Variants in CYB5R4 observed in about 807,000 individuals in gnomAD.
The protein encoded by CYB5R4 is cytochrome b5 reductase 4.
In CYB5R4, 55 loss-of-function variants were observed where a neutral mutation model predicts 70.2. The ratio of observed to expected loss-of-function variants is 0.78; its 90% CI spans 0.63 to 0.98. The LOEUF is 0.98. Among genes scored for constraint, CYB5R4 ranks in the 50% least tolerant of loss-of-function variants. The pLI, the probability that CYB5R4 is intolerant of heterozygous loss-of-function variation, is 0.00. For missense variants in CYB5R4, 562 were observed against 612.6 expected (o/e 0.92, Z 0.87); for synonymous variants, 197 against 199.5 (o/e 0.99, Z 0.11).
In CYB5R4 at chr6:83,921,041, A is replaced by T. The variant is rs766425631; in HGVS notation, c.565-41A>T. 10 of 1,387,070 alleles carry T rather than the reference A, an allele frequency of 7.2e-6. No individual in the cohort carries two copies. In the Admixed American group the frequency reaches 1.4e-4, roughly 19 times the overall value. 85.9% of individuals were successfully genotyped at this position (1,387,070 alleles called of 1,614,324 possible). On this transcript the variant is annotated intron_variant, in intron 7 of 15. Coordinates refer to ENST00000369681, the MANE Select transcript of CYB5R4 (RefSeq NM_016230.4). The stretch of plus-strand genomic sequence containing the variant: ...TATAGTTGTAGAAGTTTGGGGGAAA[A>T]TTTTACTTTCTAATCTTTCTATTTT...
At chr6:83,923,539 C>A (rs2099466768) in intron 9 of CYB5R4, among the ~76,000 whole-genome samples, 2 of 152,206 alleles carry the variant, frequency 1.3e-5, no homozygotes. Flanking sequence ...ATTAAATATG[C>A]TTTAAATCTT....
chr6:83,868,723 G>A (rs984831049), intron 2 of CYB5R4, among the ~76,000 whole-genome samples: 1 of 152,184 alleles, frequency 6.6e-6, no homozygotes, highest in African/African-American at 2.4e-5. Flanking sequence ...TATGTAAAGT[G>A]TTGAGCAAGT....
chr6:83,907,447 C>T (rs2099463972), intron 3 of CYB5R4, among the ~76,000 whole-genome samples: 1 of 151,166 alleles, frequency 6.6e-6, no homozygotes, highest in Non-Finnish European at 1.5e-5. Flanking sequence ...ACTAGCAGTT[C>T]TTATAAATGG....
intron 5 of CYB5R4, among the ~76,000 whole-genome samples, chr6:83,916,875 A>G (rs1484357314): frequency 6.6e-6 from 1 of 152,168 alleles, no homozygotes; most frequent in Non-Finnish European, 1.5e-5. Context: ...TTTGATTTCT[A>G]ATTTGGGCAC....
intron 3 of CYB5R4, among the ~76,000 whole-genome samples, chr6:83,894,253 C>T (rs1482814788): frequency 3.3e-5 from 5 of 152,188 alleles, no homozygotes. Flanking sequence ...ATGTTGATTA[C>T]TCTCAGTAAT....
chr6:83,893,617 G>C lies in CYB5R4; in HGVS notation c.325G>C (p.Asp109His). The C allele has an allele frequency of 1.3e-6, 2 of 1,596,914 alleles. No homozygotes were observed. The highest frequency in any genetic ancestry group is 1.7e-6 in the Non-Finnish European group (2 of 1,165,202). ...AAGSDGTELF[D>H]QVHRWVNYES... The stretch of plus-strand genomic sequence containing the variant: ...AGGATCAGATGGTACTGAACTTTTT[G>C]ATCAGGTAAGATGTGCTGAAAGTAA... Residue 109 changes from aspartate to histidine, a missense_variant, in exon 3 of 16, where the codon GAT (aspartate) becomes CAT (histidine). Coordinates refer to ENST00000369681, the MANE Select transcript of CYB5R4 (RefSeq NM_016230.4).
chr6:83,870,051 A>G (rs999553843), intron 2 of CYB5R4, among the ~76,000 whole-genome samples: 5 of 152,214 alleles, frequency 3.3e-5, no homozygotes, highest in African/African-American at 1.2e-4. Context: ...TTCAATGTTC[A>G]TGAATCAACA....
At chr6:83,909,176 C>CCAT (rs2099464288) in intron 4 of CYB5R4, 86 bp downstream of exon 4, 1 of 1,061,916 alleles carries the variant, frequency 9.4e-7, no homozygotes, top group Admixed American at 2.1e-5. Flanking sequence ...TAGGTCTATA[C>CCAT]AAATCACTAT....
chr6:83,934,683 TC>T lies in CYB5R4; in HGVS notation c.904del (p.His302IlefsTer21). ...TCTGTTTGATGCTGCCACCAAGCAC[TC>T]ATCTTCAAGTGCCCATTGGGCAACA... Reference protein sequence around the residue: ...LFCLMLPPSTHLQVPIGQHVY... With the variant: ...LFCLMLPPSTXLQVPIGQHVY... On this transcript the variant is annotated frameshift_variant, in exon 11 of 16. Transcript: ENST00000369681. LOFTEE classifies it high-confidence loss of function. 1.2e-6 allele frequency: 2 copies of T among 1,613,832 alleles called. No homozygotes were observed. Among genetic ancestry groups the T allele is most frequent in the Non-Finnish European group, 1.7e-6 (2 of 1,179,798 alleles).
At chr6:83,921,275 GT>G in intron 8 of CYB5R4, 100 bp downstream of exon 8, 1 of 1,072,608 alleles carries the variant, frequency 9.3e-7, no homozygotes, top group African/African-American at 1.7e-5. Context: ...TTTATCTGCT[GT>G]TACCATTTTG....
At chr6:83,861,034 A>G (rs1317470315) in intron 1 of CYB5R4, among the ~76,000 whole-genome samples, 1 of 152,210 alleles carries the variant, frequency 6.6e-6, no homozygotes, top group Non-Finnish European at 1.5e-5. Context: ...CCAATCATGT[A>G]TATTTTTCTC....
intron 2 of CYB5R4, among the ~76,000 whole-genome samples, chr6:83,883,331 T>C (rs1347772206): frequency 1.3e-5 from 2 of 152,202 alleles, no homozygotes; most frequent in African/African-American, 4.8e-5. Context: ...ATAGTGGCCA[T>C]ATATTTTACA....
At chr6:83,944,526 A>G (rs958761869) in intron 14 of CYB5R4, among the ~76,000 whole-genome samples, 1 of 152,198 alleles carries the variant, frequency 6.6e-6, no homozygotes, top group Non-Finnish European at 1.5e-5. Context: ...AAATGCATCA[A>G]CTAATAGGCA....
chr6:83,934,834 A>G (rs2099468668), intron 11 of CYB5R4, 99 bp downstream of exon 11: 1 of 1,128,976 alleles, frequency 8.9e-7, no homozygotes, highest in Admixed American at 2.8e-5. Flanking sequence ...AGTTATTAAT[A>G]AATGTTTCCA....
chr6:83,897,519 A>G (rs978637626), intron 3 of CYB5R4, among the ~76,000 whole-genome samples: 7 of 152,188 alleles, frequency 4.6e-5, no homozygotes, highest in African/African-American at 1.7e-4. Context: ...CACTAACAGT[A>G]AAAGTGTTCC....
At chr6:83,924,650 A>G (rs546870433) in intron 10 of CYB5R4, 58 bp downstream of exon 10, 2 of 1,575,082 alleles carry the variant, frequency 1.3e-6, no homozygotes, top group African/African-American at 2.7e-5. Context: ...TGTTAGTTGT[A>G]CAGTTGTACC....
chr6:83,918,053 C>G lies in CYB5R4; in HGVS notation c.494C>G (p.Pro165Arg). ...QVTDTLAKEG[P>R]SYPSYDWFQT... ...ACAGATACACTTGCCAAAGAAGGTC[C>G]TAGTTATCCAAGGTATGCATTCTTA... The change falls in exon 6 of 16, where the codon CCT (proline) becomes CGT (arginine). Residue 165 changes from proline to arginine, a missense_variant. Coordinates refer to ENST00000369681, the MANE Select transcript of CYB5R4 (RefSeq NM_016230.4). 1 of 1,610,580 alleles carries G rather than the reference C, an allele frequency of 6.2e-7. No individual in the cohort carries two copies. Among genetic ancestry groups the G allele is most frequent in the Non-Finnish European group, 8.5e-7 (1 of 1,177,382 alleles).
chr6:83,902,276 T>G (rs1289012864), intron 3 of CYB5R4, among the ~76,000 whole-genome samples: 1 of 152,140 alleles, frequency 6.6e-6, no homozygotes, highest in East Asian at 1.9e-4. Context: ...TTGAAGAAGG[T>G]GTCCTTTCCT....
intron 14 of CYB5R4, among the ~76,000 whole-genome samples, chr6:83,946,459 A>G (rs964247131): frequency 3.9e-5 from 6 of 152,220 alleles, no homozygotes; most frequent in African/African-American, 1.4e-4. Flanking sequence ...CCCACATCTG[A>G]TATCATGCTG....
Sources: allele counts gnomAD v4.1 joint callset (sites outside exome capture counted in the v4.1 genomes callset), GRCh38; gene constraint gnomAD v4.1.1; transcripts MANE v1.5; gene names NCBI Gene and HGNC (gene_info 2026-07-23, HGNC 2026-07-21).